Variants in ICE1 observed in about 807,000 individuals in gnomAD.
The protein encoded by ICE1 is little elongation complex subunit 1.
ICE1 carries 64 observed loss-of-function variants against 192.7 expected under a neutral mutation model. The ratio of observed to expected loss-of-function variants is 0.33; its 90% CI spans 0.27 to 0.41. The LOEUF (loss-of-function observed/expected upper bound fraction) is 0.41. ICE1 is among the 10% of genes least tolerant of loss of function. ICE1 has a pLI of 1.00. For missense variants in ICE1, 2,708 were observed against 2,696.0 expected, an observed-to-expected ratio of 1.00 and a Z score of -0.10; for synonymous variants, 1,010 against 984.5, an observed-to-expected ratio of 1.03 and a Z score of -0.49.
At chr5:5,459,550 G>A (rs2111374325) in intron 12 of ICE1, among the ~76,000 whole-genome samples, 1 of 152,268 alleles carries the variant, frequency 6.6e-6, no homozygotes, top group East Asian at 1.9e-4. Context: ...AGGACCCTGG[G>A]GAACCGTCCC....
intron 10 of ICE1, among the ~76,000 whole-genome samples, chr5:5,448,374 G>A (rs573345017): frequency 7.9e-5 from 12 of 152,100 alleles, no homozygotes; most frequent in Admixed American, 4.6e-4. Context: ...TGGTGGTCAC[G>A]GAACAAGGGA....
In ICE1 at chr5:5,473,684, A is replaced by G. The variant is rs776507182; in HGVS notation, c.6349A>G (p.Ile2117Val). The G allele has an allele frequency of 9.9e-6, 16 of 1,613,516 alleles. No homozygotes were observed. The Admixed American group carries it at 1.5e-4, about 15-fold the overall frequency. The change falls in exon 16 of 19, where the codon ATA (isoleucine) becomes GTA (valine). Residue 2117 changes from isoleucine (I) to valine (V), a missense_variant. By Grantham distance (29) the Ile-to-Val change is conservative. Transcript: ENST00000296564. The part of the protein sequence containing the change: ...EDLSDNTWEY[I>V]FAIDLLCCHQ... ...CCTAAGTGATAACACTTGGGAATAC[A>G]TATTTGCCATTGATCTGCTCTGCTG...
chr5:5,456,646 G>A (rs964010263), intron 11 of ICE1, among the ~76,000 whole-genome samples: 9 of 151,628 alleles, frequency 5.9e-5, no homozygotes, highest in African/African-American at 1.7e-4. Flanking sequence ...TTGGATTTTC[G>A]CTTCCCAGCC....
In ICE1 at chr5:5,463,174, A is replaced by C. The variant is rs762340297; in HGVS notation, c.3840A>C (p.Lys1280Asn). Reference protein sequence around the residue: ...LQTNSEDCNGKDTGSLLLLNV... With the variant: ...LQTNSEDCNGNDTGSLLLLNV... ...CAAATTCTGAAGATTGCAATGGTAAAGATACTGGCAGTTTATTGCTCTTAA... is the reference window on the plus strand; with the variant it reads ...CAAATTCTGAAGATTGCAATGGTAACGATACTGGCAGTTTATTGCTCTTAA... Residue 1280 changes from lysine (K) to asparagine (N), a missense_variant, in exon 13 of 19, where the codon AAA becomes AAC. Around this residue, in one of 2 missense-constraint regions of ICE1, gnomAD observed 2,366 missense variants for 2,276.6 expected, o/e 1.04. Transcript: ENST00000296564. 1.1e-5 allele frequency: 17 copies of C among 1,611,994 alleles called. No individual in the cohort carries two copies. Among genetic ancestry groups the C allele is most frequent in the Non-Finnish European group, 1.4e-5 (16 of 1,179,138 alleles).
At chr5:5,437,471 G>T (rs1421889814) in intron 3 of ICE1, 1 of 191,534 alleles carries the variant, frequency 5.2e-6, no homozygotes, top group Non-Finnish European at 1.1e-5. Context: ...TTTTGAATCT[G>T]CAAGAAGTAC....
At chr5:5,448,889 T>C (rs906906661) in intron 10 of ICE1, among the ~76,000 whole-genome samples, 14 of 152,248 alleles carry the variant, frequency 9.2e-5, no homozygotes, top group Admixed American at 2.6e-4. Flanking sequence ...TGCTTTTGAC[T>C]AGATTCTTTG....
intron 1 of ICE1, among the ~76,000 whole-genome samples, chr5:5,429,511 G>A (rs967243904): frequency 4.6e-5 from 7 of 152,174 alleles, no homozygotes; most frequent in South Asian, 2.1e-4. Flanking sequence ...CGAACATCCC[G>A]TCTTCCTTCT....
intron 7 of ICE1, among the ~76,000 whole-genome samples, chr5:5,446,387 C>T (rs1738224202): frequency 6.6e-6 from 1 of 152,102 alleles, no homozygotes; most frequent in Non-Finnish European, 1.5e-5. Context: ...CTCAGCCTCC[C>T]AGACTCAGGT....
chr5:5,442,015 T>C (rs565844765), intron 5 of ICE1, among the ~76,000 whole-genome samples: 1 of 152,324 alleles, frequency 6.6e-6, no homozygotes, highest in African/African-American at 2.4e-5. Context: ...TGGGAGAAGA[T>C]GCCCACTTCA....
chr5:5,429,322 G>A (rs1737627950), intron 1 of ICE1, among the ~76,000 whole-genome samples: 1 of 152,184 alleles, frequency 6.6e-6, no homozygotes, highest in African/African-American at 2.4e-5. Context: ...TCAGTTTGGG[G>A]AATGATGGGA....
chr5:5,451,484 TAAAC>T (rs1002048954), intron 10 of ICE1, among the ~76,000 whole-genome samples: 5 of 152,170 alleles, frequency 3.3e-5, no homozygotes, highest in Admixed American at 6.5e-5. Flanking sequence ...AAACTTTGAT[TAAAC>T]AAACAAACAG....
At position 5,462,227 on chromosome 5, in the gene ICE1, C is replaced by G. The variant is rs1338285310; in HGVS notation, c.2893C>G (p.Leu965Val). The G allele has an allele frequency of 3.1e-6, 5 of 1,610,428 alleles. No individual in the cohort carries two copies. The change falls in exon 13 of 19, where the codon CTC becomes GTC. Residue 965 changes from leucine to valine, a missense_variant. This residue lies in a region of ICE1 where 2,366 missense variants were observed against 2,276.6 expected (regional missense o/e 1.04). Coordinates refer to ENST00000296564, the MANE Select transcript of ICE1 (RefSeq NM_015325.3). ...ATTATCTTTCTCTCCTGAAAATATC[C>G]TCATCCAAAACCAAGACATTGTGAG... ...SRLSFSPENI[L>V]IQNQDIVREA... is the part of the protein sequence containing the mutation.
chr5:5,464,476 G>A lies in ICE1; in HGVS notation c.5142G>A (p.Leu1714=). The change falls in exon 13 of 19, where the codon CTG becomes CTA. Residue 1714 remains leucine, a synonymous_variant. Transcript: ENST00000296564. This position sits in a 1 kb window ranked among gnomAD's most constrained non-coding sequence, Gnocchi z 4.0. ...GTGAGAGGGTAGTGCCGTCTCCTCT[G>A]CAGTTCTGTGCGGCCACGCCGAAGC... The part of the protein sequence containing the change: ...SASERVVPSP[L]QFCAATPKHA... The A allele has an allele frequency of 6.2e-7, 1 of 1,613,888 alleles. No homozygotes were observed.
At chr5:5,467,608 T>G (rs913489545) in intron 14 of ICE1, among the ~76,000 whole-genome samples, 3 of 152,240 alleles carry the variant, frequency 2.0e-5, no homozygotes, top group Non-Finnish European at 2.9e-5. Context: ...TTGCTGTCTC[T>G]CTGCTCCTCT....
chr5:5,455,260 A>G (rs1011697333), intron 11 of ICE1, among the ~76,000 whole-genome samples: 2 of 152,180 alleles, frequency 1.3e-5, no homozygotes, highest in East Asian at 3.8e-4. Context: ...AGTTGGAAAA[A>G]ATGTTAAGGG....
Position 5,454,627 on chromosome 5 carries a change from G to C in ICE1, c.680G>C (p.Arg227Thr). ...CACAGACTACCTGGTGAAGGCAGCA[G>C]GTGTGTCCCAGGTGAGAGAGAAGCT... is the stretch of plus-strand genomic sequence containing the variant. ...TTHRLPGEGS[R>T]CVPEKPAKAI... The change falls in exon 11 of 19, where the codon AGG (arginine) becomes ACG (threonine). Residue 227 changes from arginine to threonine, a missense_variant. Transcript: ENST00000296564. 6.2e-7 allele frequency: 1 copy of C among 1,613,202 alleles called. No homozygotes were observed. The highest frequency in any genetic ancestry group is 8.5e-7 in the Non-Finnish European group (1 of 1,179,406).
In ICE1 at chr5:5,462,350, A is replaced by G; in HGVS notation, c.3016A>G (p.Thr1006Ala). Residue 1006 changes from threonine (T) to alanine (A), a missense_variant, in exon 13 of 19, where the codon ACA becomes GCA. This residue lies in a region of ICE1 where 2,366 missense variants were observed against 2,276.6 expected (regional missense o/e 1.04). Coordinates refer to ENST00000296564, the MANE Select transcript of ICE1 (RefSeq NM_015325.3). The part of the protein sequence containing the change: ...GTHGSEMLPA[T>A]EVTVSGGFSV... The stretch of plus-strand genomic sequence containing the variant: ...ACATGGCAGTGAGATGCTTCCAGCC[A>G]CAGAAGTGACTGTGTCAGGAGGGTT... 1 of 1,614,064 alleles carries G rather than the reference A, an allele frequency of 6.2e-7. No individual in the cohort carries two copies. Among genetic ancestry groups the G allele is most frequent in the Non-Finnish European group, 8.5e-7 (1 of 1,179,904 alleles).
In ICE1 at chr5:5,460,964, A is replaced by G. The variant is rs1413562628; in HGVS notation, c.1630A>G (p.Met544Val). 1.9e-6 allele frequency: 3 copies of G among 1,613,940 alleles called. No individual in the cohort carries two copies. The highest frequency in any genetic ancestry group is 2.5e-6 in the Non-Finnish European group (3 of 1,179,906). The change falls in exon 13 of 19, where the codon ATG becomes GTG. Residue 544 changes from methionine (M) to valine (V), a missense_variant. Physicochemically the swap from Met to Val is conservative, Grantham distance 21. Coordinates refer to ENST00000296564, the MANE Select transcript of ICE1 (RefSeq NM_015325.3). ...PLGKRPLNEL[M>V]ESEGKTVLSK... Reference sequence around the variant, plus strand: ...TGGCAAAAGGCCATTAAATGAACTCATGGAATCTGAAGGAAAAACCGTATT... The same window carrying G: ...TGGCAAAAGGCCATTAAATGAACTCGTGGAATCTGAAGGAAAAACCGTATT...
At chr5:5,457,016 TC>T (rs1384292095) in intron 11 of ICE1, among the ~76,000 whole-genome samples, 2 of 152,166 alleles carry the variant, frequency 1.3e-5, no homozygotes, top group African/African-American at 4.8e-5. Context: ...GGAGGATTCA[TC>T]CAGAGACCGA....
Sources: allele counts gnomAD v4.1 joint callset (sites outside exome capture counted in the v4.1 genomes callset), GRCh38; gene constraint gnomAD v4.1.1; regional missense constraint gnomAD v4.1.1; non-coding constraint Gnocchi (gnomAD v3.1); transcripts MANE v1.5; gene names NCBI Gene and HGNC (gene_info 2026-07-23, HGNC 2026-07-21).